Variants in BTBD2 observed in about 807,000 individuals in gnomAD.
BTBD2 encodes the protein BTB/POZ domain-containing protein 2.
BTBD2 carries 15 observed loss-of-function variants against 44.0 expected under a neutral mutation model. That is an observed-to-expected ratio of 0.34 (90% CI 0.23 to 0.53). BTBD2 has a LOEUF of 0.53. BTBD2 is among the 20% of genes least tolerant of loss of function. The probability of loss-of-function intolerance (pLI) is 0.95; values close to 1 mark genes in which losing one functional copy is unlikely to be tolerated. For missense variants in BTBD2, 657 were observed against 746.4 expected (o/e 0.88, Z 1.39); for synonymous variants, 443 against 335.9 (o/e 1.32, Z -3.49).
rs746702350 is a variant in BTBD2, at chr19:1,987,672, G to A, written c.1009C>T (p.Leu337=). The A allele has an allele frequency of 6.2e-7, 1 of 1,606,740 alleles. No homozygotes were observed. The highest frequency in any genetic ancestry group is 8.5e-7 in the Non-Finnish European group (1 of 1,176,398). The change falls in exon 6 of 9, where the codon CTG becomes TTG. Residue 337 remains leucine (L), a synonymous_variant. Transcript: ENST00000255608. ...FAAGPAQSGI[L]VDREVVSLFL... ...AGGCTGACCACCTCGCGGTCCACCA[G>A]GATGCCCGACTGTGCGGGACCTGCA...
chr19:1,996,716 T>C (rs2016256402), intron 2 of BTBD2, among the ~76,000 whole-genome samples: 1 of 151,652 alleles, frequency 6.6e-6, no homozygotes, highest in Non-Finnish European at 1.5e-5. Flanking sequence ...AAACGCTGTC[T>C]CTACTGAAAA....
chr19:1,994,040 G>A (rs560058236), intron 2 of BTBD2, among the ~76,000 whole-genome samples: 68 of 138,080 alleles, frequency 4.9e-4, no homozygotes, highest in Admixed American at 7.6e-4. Context: ...AGCACAGGCC[G>A]GCCTGGTGGT....
At chr19:2,015,181 C>T in intron 1 of BTBD2, 116 bp downstream of exon 1, 2 of 1,243,928 alleles carry the variant, frequency 1.6e-6, no homozygotes, top group Non-Finnish European at 2.0e-6. Flanking sequence ...GTGCAGGGCT[C>T]GGGGATGGAG....
intron 1 of BTBD2, among the ~76,000 whole-genome samples, chr19:2,013,055 G>T (rs566037108): frequency 1.3e-5 from 2 of 152,318 alleles, no homozygotes; most frequent in East Asian, 1.9e-4. Flanking sequence ...ACGGCGACAC[G>T]GACGGCACAA....
rs1244430827 is a variant in BTBD2 at position 1,987,649 on chromosome 19, G to A, written c.1032C>T (p.Ser344=). The stretch of plus-strand genomic sequence containing the variant: ...GGTTGACGGTGAAGTGCAGGAAGAG[G>A]CTGACCACCTCGCGGTCCACCAGGA... ...SGILVDREVV[S]LFLHFTVNPK... is the part of the protein sequence containing the mutation. The change falls in exon 6 of 9, where the codon AGC becomes AGT. Residue 344 remains serine, a synonymous_variant. Coordinates refer to ENST00000255608, the MANE Select transcript of BTBD2 (RefSeq NM_017797.4). The A allele has an allele frequency of 3.1e-6, 5 of 1,611,516 alleles. No individual in the cohort carries two copies. The highest frequency in any genetic ancestry group is 1.1e-5 in the South Asian group (1 of 90,884).
In BTBD2 at chr19:1,986,590, G is replaced by C. The variant is rs781443709; in HGVS notation, c.1476C>G (p.Thr492=). 1 of 1,613,996 alleles carries C rather than the reference G, an allele frequency of 6.2e-7. No homozygotes were observed. Among genetic ancestry groups the C allele is most frequent in the Non-Finnish European group, 8.5e-7 (1 of 1,179,926 alleles). Residue 492 remains threonine (T), a synonymous_variant, in exon 9 of 9, where the codon ACC becomes ACG. Transcript: ENST00000255608. The stretch of plus-strand genomic sequence containing the variant: ...AGGTGAAGCAGGTCTTGGCGCCCGT[G>C]GTGGGCGACTCGTGTGTCACCTTGC... ...GLRKVTHESP[T]TGAKTCFTFC... is the part of the protein sequence containing the mutation.
chr19:1,997,292 G>C (rs912601773), intron 2 of BTBD2, 52 bp downstream of exon 2: 2 of 1,611,232 alleles, frequency 1.2e-6, no homozygotes, highest in South Asian at 1.1e-5. Context: ...CGTTCTCTGA[G>C]GTCCCCCTCC....
intron 1 of BTBD2, among the ~76,000 whole-genome samples, chr19:2,009,645 T>TTGA (rs1212665311): frequency 1.3e-5 from 2 of 149,954 alleles, no homozygotes; most frequent in Admixed American, 6.6e-5. Context: ...GCTCAGGAGT[T>TTGA]CACCATCACC....
chr19:2,013,789 G>T, intron 1 of BTBD2: 1 of 529,408 alleles, frequency 1.9e-6, no homozygotes, highest in Non-Finnish European at 2.4e-6. Context: ...TCTCCGGTGG[G>T]GGTCACTGGG....
At chr19:1,991,843 G>A (rs1011191717) in intron 3 of BTBD2, 1 of 152,148 alleles carries the variant, frequency 6.6e-6, no homozygotes, top group African/African-American at 2.4e-5. Flanking sequence ...GCCCAACTGG[G>A]GTCCCCTGAG....
intron 2 of BTBD2, among the ~76,000 whole-genome samples, chr19:1,995,693 G>A (rs923674666): frequency 6.7e-6 from 1 of 149,598 alleles, no homozygotes; most frequent in Non-Finnish European, 1.5e-5. Flanking sequence ...CTGGAGTGCA[G>A]TGGCATGATC....
In BTBD2 at chr19:2,006,528, A is replaced by AAAAG. The variant is rs1555687844; in HGVS notation, c.407+8768_407+8769insCTTT. Among the ~76,000 whole-genome samples, 1,306 of 150,476 alleles carry AAAAG rather than the reference A, an allele frequency of 8.7e-3. 15 individuals carry two copies. The highest frequency in any genetic ancestry group is 0.031 in the African/African-American group (1,233 of 40,290). On this transcript the variant is annotated intron_variant, in intron 1 of 8. Coordinates refer to ENST00000255608, the MANE Select transcript of BTBD2 (RefSeq NM_017797.4). The stretch of plus-strand genomic sequence containing the variant: ...TCTCAAAAAAAAAAAAAAAGAAAAG[A>AAAAG]AAAATCACCCAACTTTATGTCCTTA...
At chr19:2,000,227 G>A (rs1006552011) in intron 1 of BTBD2, among the ~76,000 whole-genome samples, 11 of 152,244 alleles carry the variant, frequency 7.2e-5, no homozygotes, top group East Asian at 5.8e-4. Context: ...ACTGCCGCCC[G>A]CCCGTCTGCC....
At chr19:2,007,011 C>G (rs902621019) in intron 1 of BTBD2, among the ~76,000 whole-genome samples, 1 of 152,212 alleles carries the variant, frequency 6.6e-6, no homozygotes. Flanking sequence ...GCGCTCGCCA[C>G]CACGCCCGGC....
At chr19:2,001,170 G>A (rs1339821505) in intron 1 of BTBD2, among the ~76,000 whole-genome samples, 1 of 151,992 alleles carries the variant, frequency 6.6e-6, no homozygotes, top group Non-Finnish European at 1.5e-5. Flanking sequence ...TGTAGTCCCA[G>A]CTACTCAGGA....
intron 1 of BTBD2, among the ~76,000 whole-genome samples, chr19:2,006,528 A>G (rs998320138): frequency 1.3e-5 from 2 of 150,594 alleles, no homozygotes; most frequent in African/African-American, 5.0e-5. Context: ...AAAAGAAAAG[A>G]AAAATCACCC....
In BTBD2 at chr19:2,001,773, T is replaced by C. The variant is rs1023049543; in HGVS notation, c.408-4310A>G. Among the ~76,000 whole-genome samples, 7 of 152,252 alleles carry C rather than the reference T, an allele frequency of 4.6e-5. No individual in the cohort carries two copies. In the South Asian group the frequency reaches 8.3e-4, roughly 18 times the overall value. On this transcript the variant is annotated intron_variant, in intron 1 of 8. Transcript: ENST00000255608. ...TGTGTTTTGAGACGGAGTCTCGCTC[T>C]GCCGCCCAGGCTGGAGTGCAGTGGC...
intron 1 of BTBD2, among the ~76,000 whole-genome samples, chr19:2,008,888 G>T (rs1407150736): frequency 6.6e-6 from 1 of 151,994 alleles, no homozygotes; most frequent in Non-Finnish European, 1.5e-5. Context: ...TCTTCACAAA[G>T]AATAAAGTTG....
intron 1 of BTBD2, 100 bp downstream of exon 1, chr19:2,015,197 C>T (rs1599364562): frequency 8.4e-7 from 1 of 1,186,698 alleles, no homozygotes; most frequent in Non-Finnish European, 1.0e-6. Flanking sequence ...TGGAGGGGTG[C>T]GGGGGTCTCG....
Sources: gnomAD v4.1 joint callset for allele counts (sites outside exome capture counted in the v4.1 genomes callset) on GRCh38, gnomAD v4.1.1 for gene constraint, MANE v1.5 for transcripts, NCBI Gene and HGNC (gene_info 2026-07-23, HGNC 2026-07-21) for gene names.